DHX34: variants seen among roughly 807,000 people sequenced by gnomAD.
DHX34 encodes DExH-box helicase 34.
In DHX34, 96 loss-of-function variants were observed where a neutral mutation model predicts 111.1. That is an observed-to-expected ratio of 0.86 (90% CI 0.73 to 1.02). The LOEUF is 1.02. DHX34 is among the 50% of genes least tolerant of loss of function. The probability of loss-of-function intolerance (pLI) is 0.00; values close to 1 mark genes in which losing one functional copy is unlikely to be tolerated. For synonymous variants in DHX34, 688 were observed against 670.4 expected (o/e 1.03, Z -0.41); for missense variants, 1,560 against 1,579.9 (o/e 0.99, Z 0.21).
rs746005448 is a variant in DHX34, at chr19:47,353,709, GAGAGCC to G, written c.680_685del (p.Glu227_Leu229delinsVal). ...CTCACTGGCCAAGCGTGTGGGCTTTGAGAGCCTCAGTCAGTATGGCTCACAGGTGAG... is the reference window on the plus strand; with the variant it reads ...CTCACTGGCCAAGCGTGTGGGCTTTGTCAGTCAGTATGGCTCACAGGTGAG... On this transcript the variant is annotated inframe_deletion, in exon 2 of 17. Coordinates refer to ENST00000328771, the MANE Select transcript of DHX34 (RefSeq NM_014681.6). The surrounding 1 kb of genome is among the most constrained non-coding windows in gnomAD (Gnocchi z 4.6). 13 of 1,603,892 alleles carry G rather than the reference GAGAGCC, an allele frequency of 8.1e-6. No individual in the cohort carries two copies. Among genetic ancestry groups the G allele is most frequent in the Non-Finnish European group, 1.0e-5 (12 of 1,173,970 alleles).
chr19:47,360,551 A>G (rs1282605217), intron 5 of DHX34, among the ~76,000 whole-genome samples: 1 of 151,918 alleles, frequency 6.6e-6, no homozygotes, highest in Non-Finnish European at 1.5e-5. Context: ...CCCTCACCTC[A>G]TTTCAGGGCC....
chr19:47,380,154 G>A (rs554287255), intron 14 of DHX34, among the ~76,000 whole-genome samples, 169 bp downstream of exon 14: 2 of 152,336 alleles, frequency 1.3e-5, no homozygotes, highest in South Asian at 4.1e-4. Flanking sequence ...ACTGGTCTGG[G>A]TGGAGCTAGG....
chr19:47,373,553 C>A (rs761986775), intron 8 of DHX34, 46 bp from the exon 9 acceptor site: 2 of 1,593,122 alleles, frequency 1.3e-6, no homozygotes, highest in Non-Finnish European at 8.5e-7. Context: ...CCTCCCTCCC[C>A]GCACTGGCCA....
intron 8 of DHX34, among the ~76,000 whole-genome samples, chr19:47,373,288 C>T (rs1033117965): frequency 6.6e-6 from 1 of 152,180 alleles, no homozygotes; most frequent in African/African-American, 2.4e-5. Flanking sequence ...AGTGCCAAAA[C>T]TACCCTGGCC....
chr19:47,380,587 G>T, intron 14 of DHX34: 1 of 979,946 alleles, frequency 1.0e-6, no homozygotes, highest in Non-Finnish European at 1.2e-6. Flanking sequence ...CCAGTGACAG[G>T]GGCAGAAGAG....
chr19:47,373,722 A>G, intron 9 of DHX34, 22 bp downstream of exon 9: 1 of 1,608,832 alleles, frequency 6.2e-7, no homozygotes, highest in Admixed American at 1.7e-5. Context: ...GAGGAGGGGT[A>G]AGGCCGGCCC....
chr19:47,376,759 C>G, intron 12 of DHX34, 199 bp downstream of exon 12: 1 of 1,445,460 alleles, frequency 6.9e-7, no homozygotes, highest in Non-Finnish European at 9.2e-7. Flanking sequence ...TCACCTTCCG[C>G]ATGGTGGTGA....
chr19:47,361,549 C>CAGGTGGATCACCTGAAGT (rs1969631610), intron 5 of DHX34, among the ~76,000 whole-genome samples: 2 of 152,150 alleles, frequency 1.3e-5, no homozygotes, highest in South Asian at 4.1e-4. Context: ...GAGGCTGAGG[C>CAGGTGGATCACCTGAAGT]AGGTGGATCA....
Position 47,358,125 on chromosome 19 carries a change from C to T in DHX34, c.1272+5C>T. 1 of 1,599,434 alleles carries T rather than the reference C, an allele frequency of 6.3e-7. No individual in the cohort carries two copies. Among genetic ancestry groups the T allele is most frequent in the Admixed American group, 1.7e-5 (1 of 59,796 alleles). On this transcript the variant is annotated splice_donor_5th_base_variant and intron_variant, in intron 4 of 16. Coordinates refer to ENST00000328771, the MANE Select transcript of DHX34 (RefSeq NM_014681.6). ...TCTGTGGCCGACCAGGACAAGGTAT[C>T]ACAGGAAGCCCGAGTGGGGCAGGCG...
chr19:47,374,448 A>AG (rs1236827141), intron 9 of DHX34, among the ~76,000 whole-genome samples: 1 of 151,688 alleles, frequency 6.6e-6, no homozygotes, highest in Non-Finnish European at 1.5e-5. Context: ...AAAAAAAAAA[A>AG]AAAAAAAGAT....
chr19:47,366,514 C>T (rs1969789348), intron 6 of DHX34, among the ~76,000 whole-genome samples: 1 of 151,842 alleles, frequency 6.6e-6, no homozygotes, highest in South Asian at 2.1e-4. Flanking sequence ...CTCCTGACCT[C>T]AAGTGATCCA....
intron 16 of DHX34, 155 bp downstream of exon 16, chr19:47,381,479 A>G (rs1193705949): frequency 8.8e-7 from 1 of 1,142,074 alleles, no homozygotes; most frequent in African/African-American, 1.6e-5. Flanking sequence ...CCTTGTCCTG[A>G]AGATCAGGAG....
Position 47,376,680 on chromosome 19 carries a change from C to T in DHX34, c.2599+120C>T, listed in dbSNP as rs370582141. 226 of 1,463,028 alleles carry T rather than the reference C, an allele frequency of 1.5e-4. 5 individuals carry two copies. The South Asian group carries it at 2.9e-3, about 19-fold the overall frequency. The allele number at this position is 1,463,028 out of a possible 1,614,324, so 90.6% of individuals were successfully genotyped here. ...CGGCCCAGGCTGGTATTGACGGGGGCCCACAGGAGGGGAAGTTCCAGGGCC... is the reference window on the plus strand; with the variant it reads ...CGGCCCAGGCTGGTATTGACGGGGGTCCACAGGAGGGGAAGTTCCAGGGCC... On this transcript the variant is annotated intron_variant, in intron 12 of 16. Transcript: ENST00000328771.
chr19:47,382,392 G>T lies in DHX34; in HGVS notation c.*279G>T. The T allele has an allele frequency of 6.8e-6, 3 of 440,856 alleles. No homozygotes were observed. The highest frequency in any genetic ancestry group is 1.2e-5 in the Non-Finnish European group (3 of 254,696). 27.3% of individuals were successfully genotyped at this position (440,856 alleles called of 1,614,324 possible). On this transcript the variant is annotated 3_prime_UTR_variant, in exon 17 of 17. Transcript: ENST00000328771. ...GCAGGGTGCTGCCTGAGGGGTCCTG[G>T]GTAGGAGGGGCGTTAGAGCCAGCAG...
intron 9 of DHX34, among the ~76,000 whole-genome samples, chr19:47,374,641 A>G (rs1970076273): frequency 6.6e-6 from 1 of 152,074 alleles, no homozygotes; most frequent in Non-Finnish European, 1.5e-5. Flanking sequence ...GCTGAGGCCC[A>G]GAGGGGGCAG....
chr19:47,363,497 CTTGTTGAGGGGAGAATTGTTCCT>C (rs1441848028), intron 6 of DHX34, among the ~76,000 whole-genome samples: 1 of 151,864 alleles, frequency 6.6e-6, no homozygotes, highest in African/African-American at 2.4e-5. Context: ...TGTCAAAACC[CTTGTTGAGGGGAGAATTGTTCCT>C]TAAATCCATA....
chr19:47,368,606 CATTGAATGTGTGTGTGTGTGTGTGT>C (rs1392442077), intron 7 of DHX34, among the ~76,000 whole-genome samples: 1 of 144,786 alleles, frequency 6.9e-6, no homozygotes, highest in Non-Finnish European at 1.5e-5. Flanking sequence ...GCTCCCGGTC[CATTGAATGTGTGTGTGTGTGTGTGT>C]ATATATATAC....
intron 9 of DHX34, 136 bp downstream of exon 9, chr19:47,373,836 G>C (rs1054741030): frequency 2.6e-6 from 3 of 1,150,574 alleles, no homozygotes; most frequent in Non-Finnish European, 3.6e-6. Context: ...CCACCACCCG[G>C]TGACCAGGTG....
intron 5 of DHX34, among the ~76,000 whole-genome samples, chr19:47,361,252 GT>G (rs1969623420): frequency 6.6e-6 from 1 of 151,906 alleles, no homozygotes; most frequent in African/African-American, 2.4e-5. Context: ...GAAGTTAGGA[GT>G]TTGAGACCAG....
Sources: allele counts gnomAD v4.1 joint callset (sites outside exome capture counted in the v4.1 genomes callset), GRCh38; gene constraint gnomAD v4.1.1; non-coding constraint Gnocchi (gnomAD v3.1); transcripts MANE v1.5; gene names NCBI Gene and HGNC (gene_info 2026-07-23, HGNC 2026-07-21).